CACNA1E: variants seen among roughly 807,000 people sequenced by gnomAD.
CACNA1E encodes voltage-dependent R-type calcium channel subunit alpha-1E.
CACNA1E carries 40 observed loss-of-function variants against 259.2 expected under a neutral mutation model. The ratio of observed to expected loss-of-function variants is 0.15; its 90% CI spans 0.12 to 0.20. The LOEUF (loss-of-function observed/expected upper bound fraction) is 0.20. Ranked by LOEUF, CACNA1E falls within the 10% of genes least tolerant of loss-of-function variation. CACNA1E has a pLI of 1.00. For missense variants in CACNA1E, 1,874 were observed against 3,040.1 expected (o/e 0.62, Z 9.02); for synonymous variants, 1,104 against 1,138.5 (o/e 0.97, Z 0.61).
intron 38 of CACNA1E, among the ~76,000 whole-genome samples, chr1:181,780,032 A>T (rs1660292121): frequency 6.6e-6 from 1 of 152,122 alleles, no homozygotes; most frequent in African/African-American, 2.4e-5. Flanking sequence ...TAGTGATCCC[A>T]CCCTCCCAGC....
At position 181,344,654 on chromosome 1, in the gene CACNA1E, C is replaced by T. The variant is rs189390886; in HGVS notation, c.-15+26531C>T. Among the ~76,000 whole-genome samples, 308 of 152,326 alleles carry T rather than the reference C, an allele frequency of 2.0e-3. 6 individuals are homozygous for T. The highest frequency in any genetic ancestry group is 0.017 in the Admixed American group (263 of 15,300). On this transcript the variant is annotated intron_variant, in intron 1 of 11. Coordinates refer to the CACNA1E transcript ENST00000524607. ...ACACTTGGCAAGGACAGTGGAATTA[C>T]ACTGTGGCATCATCCCTGCCTAACA...
intron 2 of CACNA1E, among the ~76,000 whole-genome samples, chr1:181,425,140 A>G (rs1406582889): frequency 2.0e-5 from 3 of 152,040 alleles, no homozygotes; most frequent in African/African-American, 7.2e-5. Flanking sequence ...GTTTCTGTGT[A>G]TTGCAGCCGC....
At chr1:181,648,599 T>G (rs908394824) in intron 6 of CACNA1E, among the ~76,000 whole-genome samples, 14 of 152,316 alleles carry the variant, frequency 9.2e-5, no homozygotes, top group Admixed American at 7.2e-4. Flanking sequence ...CCCAAATTTC[T>G]TTGGTTACAG....
At chr1:181,693,942 C>G (rs886634842) in intron 7 of CACNA1E, among the ~76,000 whole-genome samples, 3 of 152,096 alleles carry the variant, frequency 2.0e-5, no homozygotes, top group Non-Finnish European at 4.4e-5. Context: ...TTCTACCAAA[C>G]GTTAAGGAAG....
At chr1:181,479,084 G>A (rs1488871133), upstream of CACNA1E, among the ~76,000 whole-genome samples, 1 of 152,226 alleles carries the variant, frequency 6.6e-6, no homozygotes, top group East Asian at 1.9e-4. Context: ...CCACTTTGCA[G>A]GTCATTGCTT....
intron 1 of CACNA1E, among the ~76,000 whole-genome samples, chr1:181,503,293 G>T (rs749349923): frequency 6.6e-6 from 1 of 152,252 alleles, no homozygotes; most frequent in Non-Finnish European, 1.5e-5. Flanking sequence ...ATCAGGGTCT[G>T]TGGGAACTGG....
intron 6 of CACNA1E, among the ~76,000 whole-genome samples, chr1:181,645,261 G>A (rs937975263): frequency 2.6e-5 from 4 of 152,150 alleles, no homozygotes; most frequent in Admixed American, 6.5e-5. Context: ...AGGAAGGGAC[G>A]TGAGGAAGAC....
chr1:181,405,890 C>T (rs1657430239), intron 1 of CACNA1E, among the ~76,000 whole-genome samples: 1 of 152,178 alleles, frequency 6.6e-6, no homozygotes, highest in Non-Finnish European at 1.5e-5. Context: ...GACTCTGAGG[C>T]CCAGGGCTTG....
chr1:181,756,161 C>T, intron 29 of CACNA1E, 68 bp downstream of exon 29: 1 of 1,470,694 alleles, frequency 6.8e-7, no homozygotes, highest in South Asian at 1.3e-5. Flanking sequence ...GAGAAGCTGA[C>T]TCAAGATGAA....
In CACNA1E at chr1:181,651,421, A is replaced by T. The variant is rs769612243; in HGVS notation, c.1035A>T (p.Leu345=). 6.2e-7 allele frequency: 1 copy of T among 1,613,218 alleles called. No homozygotes were observed. Among genetic ancestry groups the T allele is most frequent in the Non-Finnish European group, 8.5e-7 (1 of 1,179,258 alleles). Residue 345 remains leucine, a synonymous_variant, in exon 7 of 48, where the codon CTA becomes CTT. Coordinates refer to ENST00000367573, the MANE Select transcript of CACNA1E (RefSeq NM_001205293.3). ...TTGGATCCTTCTTTGTTCTCAACCT[A>T]GTCCTGGGAGTGCTTTCCGGGTGAG... ...IIIGSFFVLN[L]VLGVLSGEFA...
intron 2 of CACNA1E, among the ~76,000 whole-genome samples, chr1:181,440,574 G>A (rs146219476): frequency 1.8e-4 from 27 of 152,252 alleles, no homozygotes; most frequent in African/African-American, 5.1e-4. Context: ...AAGGGTTGAT[G>A]TTGATTACTG....
At chr1:181,766,490 T>G in intron 34 of CACNA1E, 56 bp from the exon 35 acceptor site, 1 of 1,337,570 alleles carries the variant, frequency 7.5e-7, no homozygotes, top group Non-Finnish European at 1.1e-6. Context: ...CTGCAGGTTG[T>G]TGAGCTTGGG....
intron 1 of CACNA1E, among the ~76,000 whole-genome samples, chr1:181,375,060 T>G (rs1216708511): frequency 3.3e-5 from 5 of 152,156 alleles, no homozygotes; most frequent in Admixed American, 6.5e-5. Flanking sequence ...GCCATAAATG[T>G]CTTCTCAGTT....
At chr1:181,418,049 C>T (rs1351301042) in intron 2 of CACNA1E, among the ~76,000 whole-genome samples, 1 of 152,222 alleles carries the variant, frequency 6.6e-6, no homozygotes, top group East Asian at 1.9e-4. Flanking sequence ...GACATGGTGA[C>T]ATTGGCCTTC....
At chr1:181,715,456 G>A in intron 9 of CACNA1E, 65 bp downstream of exon 9, 1 of 885,554 alleles carries the variant, frequency 1.1e-6, no homozygotes, top group Non-Finnish European at 1.9e-6. Context: ...GGCAATCTCT[G>A]TTATTCAAAA....
chr1:181,770,454 C>T (rs1358412432), intron 35 of CACNA1E, among the ~76,000 whole-genome samples: 1 of 152,028 alleles, frequency 6.6e-6, no homozygotes, highest in Non-Finnish European at 1.5e-5. Flanking sequence ...TGAATGTTCA[C>T]AGTGATTACA....
At chr1:181,425,149 G>A (rs904587049) in intron 2 of CACNA1E, among the ~76,000 whole-genome samples, 3 of 152,092 alleles carry the variant, frequency 2.0e-5, no homozygotes, top group Admixed American at 6.5e-5. Context: ...TATTGCAGCC[G>A]CAGTCTCACT....
At chr1:181,427,391 T>G (rs1571848014) in intron 2 of CACNA1E, among the ~76,000 whole-genome samples, 1 of 72,970 alleles carries the variant, frequency 1.4e-5, no homozygotes, top group Non-Finnish European at 2.6e-5. Flanking sequence ...CCTCCTCACC[T>G]CATTCCTTCT....
intron 6 of CACNA1E, among the ~76,000 whole-genome samples, chr1:181,586,594 A>T (rs1171872215): frequency 6.6e-6 from 1 of 152,154 alleles, no homozygotes; most frequent in Non-Finnish European, 1.5e-5. Context: ...AAAGTAGAGG[A>T]TGATCAAGTC....
Sources: gnomAD v4.1 joint callset for allele counts (sites outside exome capture counted in the v4.1 genomes callset) on GRCh38, gnomAD v4.1.1 for gene constraint, MANE v1.5 for transcripts, NCBI Gene and HGNC (gene_info 2026-07-23, HGNC 2026-07-21) for gene names.